Variants in VAC14 observed in about 807,000 individuals in gnomAD.
VAC14 encodes protein VAC14 homolog.
Under a neutral mutation model 85.3 loss-of-function variants are expected in VAC14, and 47 were observed. The ratio of observed to expected loss-of-function variants is 0.55; its 90% CI spans 0.44 to 0.70. The LOEUF (loss-of-function observed/expected upper bound fraction) is 0.70. Among genes scored for constraint, VAC14 ranks in the 30% least tolerant of loss-of-function variants. The pLI is 0.00. For synonymous variants in VAC14, 447 were observed against 430.5 expected, an observed-to-expected ratio of 1.04 and a Z score of -0.47; for missense variants, 861 against 1,004.3, an observed-to-expected ratio of 0.86 and a Z score of 1.93.
chr16:70,725,417 G>C (rs919813793), intron 14 of VAC14, among the ~76,000 whole-genome samples: 1 of 152,248 alleles, frequency 6.6e-6, no homozygotes. Flanking sequence ...CCCAATTACG[G>C]CATGAAAGAG....
chr16:70,784,885 GT>G (rs1567605092), intron 3 of VAC14, 47 bp from the exon 4 acceptor site: 1 of 1,555,984 alleles, frequency 6.4e-7, no homozygotes, highest in Admixed American at 1.7e-5. Flanking sequence ...GAGGGTCACG[GT>G]TGGATGCAAG....
intron 14 of VAC14, chr16:70,717,009 A>G (rs4985421): frequency 0.96 from 146,326 of 152,374 alleles, 70,330 homozygotes; most frequent in African/African-American, 0.99. Context: ...GGTAGGGCCT[A>G]CTTCACACTC....
chr16:70,779,135 AG>A (rs983195484), intron 9 of VAC14: 1 of 152,252 alleles, frequency 6.6e-6, no homozygotes, highest in African/African-American at 2.4e-5. Context: ...TTCTGCCTCC[AG>A]CTGTTTTGTT....
chr16:70,787,985 T>G (rs1301409821), intron 1 of VAC14, among the ~76,000 whole-genome samples: 2 of 152,228 alleles, frequency 1.3e-5, no homozygotes, highest in Non-Finnish European at 2.9e-5. Context: ...AAAAGGGCAG[T>G]CTAGAGACCT....
chr16:70,697,378 C>A, intron 15 of VAC14, 121 bp from the exon 16 acceptor site: 1 of 720,824 alleles, frequency 1.4e-6, no homozygotes, highest in Non-Finnish European at 2.3e-6. Flanking sequence ...TCGGGGGCAG[C>A]CAGAGCCAGC....
At chr16:70,721,733 C>A (rs1000550912) in intron 14 of VAC14, among the ~76,000 whole-genome samples, 6 of 152,282 alleles carry the variant, frequency 3.9e-5, no homozygotes, top group Admixed American at 1.3e-4. Context: ...GAACACGAAC[C>A]CTCCAGGCCC....
At chr16:70,728,950 C>T (rs928811229) in intron 14 of VAC14, among the ~76,000 whole-genome samples, 3 of 152,238 alleles carry the variant, frequency 2.0e-5, no homozygotes, top group African/African-American at 7.2e-5. Context: ...CTAACCTCTA[C>T]CTCAATTCCC....
intron 13 of VAC14, among the ~76,000 whole-genome samples, chr16:70,741,922 C>T (rs1233481977): frequency 1.3e-5 from 2 of 152,226 alleles, no homozygotes; most frequent in African/African-American, 4.8e-5. Context: ...CTTGATGCTG[C>T]AGGGCCCACC....
In VAC14 at chr16:70,710,412, C is replaced by T. The variant is rs1300733104; in HGVS notation, c.1662-11601G>A. 3.3e-5 allele frequency among the ~76,000 whole-genome samples: 5 copies of T among 152,208 alleles called. No individual in the cohort carries two copies. The East Asian group carries it at 9.7e-4, about 29-fold the overall frequency. Reference sequence around the variant, plus strand: ...GGGTAATGGAAAGGCATCCCTGCATCTCTGCCATTTTCCCCTGCAAACCGC... The same window carrying T: ...GGGTAATGGAAAGGCATCCCTGCATTTCTGCCATTTTCCCCTGCAAACCGC... On this transcript the variant is annotated intron_variant, in intron 14 of 18. Transcript: ENST00000261776.
chr16:70,796,047 T>C (rs1005792042), intron 1 of VAC14, among the ~76,000 whole-genome samples: 1 of 152,158 alleles, frequency 6.6e-6, no homozygotes, highest in African/African-American at 2.4e-5. Flanking sequence ...TCAATGACTA[T>C]ATTAAAATTG....
intron 6 of VAC14, 36 bp from the exon 7 acceptor site, chr16:70,783,175 G>A: frequency 6.3e-7 from 1 of 1,599,834 alleles, no homozygotes; most frequent in Non-Finnish European, 8.5e-7. Flanking sequence ...AACAGCGAGG[G>A]TCAGCCAGGG....
intron 14 of VAC14, among the ~76,000 whole-genome samples, chr16:70,726,252 C>T (rs75606766): frequency 0.072 from 10,984 of 152,306 alleles, 1,306 homozygotes; most frequent in African/African-American, 0.25. Flanking sequence ...GGGAAGGCAA[C>T]GCACACCAAC....
intron 1 of VAC14, among the ~76,000 whole-genome samples, chr16:70,792,618 T>C (rs77091135): frequency 0.016 from 2,444 of 152,310 alleles, 82 homozygotes; most frequent in African/African-American, 0.057. Flanking sequence ...CATCATGCTC[T>C]TGACGCCACC....
chr16:70,703,266 G>T (rs761751730), intron 14 of VAC14, among the ~76,000 whole-genome samples: 23 of 152,254 alleles, frequency 1.5e-4, no homozygotes, highest in Non-Finnish European at 2.5e-4. Context: ...ACACCCGCAT[G>T]AAAACGCTAT....
At chr16:70,693,388 C>T (rs543588770) in intron 17 of VAC14, among the ~76,000 whole-genome samples, 2 of 152,358 alleles carry the variant, frequency 1.3e-5, no homozygotes, top group South Asian at 4.1e-4. Flanking sequence ...CAGTTGGCTC[C>T]ACACGTGCCA....
rs149876454 is a variant in VAC14, at chr16:70,793,456, G to T, written c.105-7091C>A. Among the ~76,000 whole-genome samples the T allele has an allele frequency of 6.4e-4, 98 of 152,344 alleles. 1 individual carries two copies. The highest frequency in any genetic ancestry group is 2.2e-3 in the African/African-American group (92 of 41,586). On this transcript the variant is annotated intron_variant, in intron 1 of 18. Transcript: ENST00000261776. ...ACACAAAGTCATGCAAGTTGTAGATGATGGATCTAAAAATCAAATCTAGGC... is the reference window on the plus strand; with the variant it reads ...ACACAAAGTCATGCAAGTTGTAGATTATGGATCTAAAAATCAAATCTAGGC...
intron 14 of VAC14, among the ~76,000 whole-genome samples, chr16:70,703,988 C>T (rs1405695179): frequency 6.6e-6 from 1 of 152,178 alleles, no homozygotes; most frequent in Non-Finnish European, 1.5e-5. Context: ...GAGGTGACTG[C>T]ACCACACCTG....
intron 16 of VAC14, among the ~76,000 whole-genome samples, chr16:70,696,461 C>A (rs544821925): frequency 6.6e-6 from 1 of 152,168 alleles, no homozygotes; most frequent in Non-Finnish European, 1.5e-5. Flanking sequence ...TGCAATGGGC[C>A]AAGATCGCCC....
At chr16:70,737,304 G>T (rs1396138324) in intron 13 of VAC14, among the ~76,000 whole-genome samples, 1 of 152,208 alleles carries the variant, frequency 6.6e-6, no homozygotes, top group African/African-American at 2.4e-5. Flanking sequence ...TGCGCTCCGA[G>T]GACCTCAGCG....
Sources: gnomAD v4.1 joint callset for allele counts (sites outside exome capture counted in the v4.1 genomes callset) on GRCh38, gnomAD v4.1.1 for gene constraint, MANE v1.5 for transcripts, NCBI Gene and HGNC (gene_info 2026-07-23, HGNC 2026-07-21) for gene names.